The following FRMPD4 variants were observed in gnomAD, a reference collection of about 807,000 sequenced individuals.
FRMPD4 encodes the protein FERM and PDZ domain-containing protein 4.
Under a neutral mutation model 94.1 loss-of-function variants are expected in FRMPD4, and 22 were observed. That is an observed-to-expected ratio of 0.23 (90% CI 0.17 to 0.33). FRMPD4 has a LOEUF of 0.33. FRMPD4 is among the 10% of genes least tolerant of loss of function. The pLI is 1.00. For missense variants in FRMPD4, 1,111 were observed against 1,339.9 expected (o/e 0.83, Z 2.67); for synonymous variants, 631 against 548.6 (o/e 1.15, Z -2.10).
chrX:12,121,935 A>C (rs1055313064), intron 3 of FRMPD4, among the ~76,000 whole-genome samples: 1 of 111,879 alleles, frequency 8.9e-6, no homozygotes. Flanking sequence ...CTCAAGTGTC[A>C]ACCTCACAAT....
intron 1 of FRMPD4, among the ~76,000 whole-genome samples, chrX:12,196,613 G>A (rs2056570155): frequency 9.3e-6 from 1 of 107,466 alleles, no homozygotes; most frequent in African/African-American, 3.4e-5. Flanking sequence ...AACATTTGTT[G>A]TTGCAAAAAG....
At chrX:12,139,033 G>A in intron 1 of FRMPD4, 21 bp downstream of exon 1, 1 of 1,120,112 alleles carries the variant, frequency 8.9e-7, no homozygotes, top group Non-Finnish European at 1.2e-6. Context: ...CGCGGGTTCC[G>A]TTTGCACCCA....
At chrX:12,505,727 GAAAAAA>G (rs34064982) in intron 2 of FRMPD4, among the ~76,000 whole-genome samples, 1 of 46,320 alleles carries the variant, frequency 2.2e-5, no homozygotes, top group African/African-American at 1.0e-4. Flanking sequence ...AACTCCATCC[GAAAAAA>G]AAAAAAAAAA....
chrX:12,063,124 C>T, intron 3 of FRMPD4, among the ~76,000 whole-genome samples: 1 of 111,936 alleles, frequency 8.9e-6, no homozygotes, highest in Non-Finnish European at 1.9e-5. Context: ...AATTCCAGCA[C>T]TTTGAGAGGC....
chrX:12,106,125 G>C (rs1364841236), intron 3 of FRMPD4, among the ~76,000 whole-genome samples: 2 of 111,561 alleles, frequency 1.8e-5, no homozygotes, highest in African/African-American at 6.5e-5. Context: ...TGAAGGAGGA[G>C]ATCCACTCTA....
chrX:12,018,664 G>A (rs1359729179), intron 3 of FRMPD4, among the ~76,000 whole-genome samples: 3 of 110,845 alleles, frequency 2.7e-5, no homozygotes, highest in Admixed American at 9.5e-5. Flanking sequence ...TGATCTGCCC[G>A]CCTTGGCCTC....
At chrX:12,633,556 G>C (rs988493709) in intron 4 of FRMPD4, among the ~76,000 whole-genome samples, 2 of 112,018 alleles carry the variant, frequency 1.8e-5, no homozygotes, top group Admixed American at 9.5e-5. Flanking sequence ...TGTTGGGCAG[G>C]GGCTCAGAGT....
chrX:12,706,086 C>CTT (rs375437435), intron 11 of FRMPD4, among the ~76,000 whole-genome samples: 5,681 of 102,979 alleles, frequency 0.055, 437 homozygotes, highest in African/African-American at 0.19. Flanking sequence ...AAACATGGAC[C>CTT]TTTTTTTTTT....
At chrX:12,450,810 A>G (rs1397435410) in intron 1 of FRMPD4, among the ~76,000 whole-genome samples, 6 of 106,698 alleles carry the variant, frequency 5.6e-5, no homozygotes, top group African/African-American at 2.0e-4. Context: ...ATAATTGCCA[A>G]TAAATCAATG....
intron 1 of FRMPD4, among the ~76,000 whole-genome samples, chrX:12,456,127 C>A (rs975654763): frequency 8.9e-6 from 1 of 112,123 alleles, no homozygotes; most frequent in Non-Finnish European, 1.9e-5. Context: ...ATAAAGATAA[C>A]AGACCTACAT....
intron 11 of FRMPD4, among the ~76,000 whole-genome samples, chrX:12,705,857 C>T (rs2041866224): frequency 8.9e-6 from 1 of 112,128 alleles, no homozygotes; most frequent in South Asian, 3.7e-4. Context: ...GCTTTCAAAA[C>T]AATTTGCAAA....
intron 4 of FRMPD4, among the ~76,000 whole-genome samples, chrX:12,628,280 G>T: frequency 8.9e-6 from 1 of 111,913 alleles, no homozygotes; most frequent in Middle Eastern, 4.6e-3. Flanking sequence ...ACCTGTAGAG[G>T]GTTGTTTTAA....
chrX:12,458,469 T>C (rs1000569089), intron 1 of FRMPD4, among the ~76,000 whole-genome samples: 6 of 111,713 alleles, frequency 5.4e-5, no homozygotes, highest in African/African-American at 1.3e-4. Context: ...TGATGTATTG[T>C]TTCTCTTGAT....
intron 1 of FRMPD4, among the ~76,000 whole-genome samples, chrX:12,443,759 C>T (rs1467670881): frequency 9.0e-6 from 1 of 111,631 alleles, no homozygotes; most frequent in African/African-American, 3.3e-5. Flanking sequence ...GGTTATGCTG[C>T]CAAAGTAAAT....
intron 3 of FRMPD4, among the ~76,000 whole-genome samples, chrX:12,096,252 A>G (rs1473845672): frequency 8.9e-6 from 1 of 112,409 alleles, no homozygotes; most frequent in Non-Finnish European, 1.9e-5. Context: ...AAAATAAATT[A>G]TATATGCAAT....
rs139453045 is a variant in FRMPD4, at chrX:12,685,696, C to G, written c.574-401C>G. On this transcript the variant is annotated intron_variant, in intron 6 of 16. Coordinates refer to ENST00000675598, the MANE Select transcript of FRMPD4 (RefSeq NM_001368397.1). ...ACTTTATACTTGAAGCTTATTTATGCTGGTGACTCACCATCATGACACTGC... is the reference window on the plus strand; with the variant it reads ...ACTTTATACTTGAAGCTTATTTATGGTGGTGACTCACCATCATGACACTGC... Among the ~76,000 whole-genome samples, 48 of 112,149 alleles carry G rather than the reference C, an allele frequency of 4.3e-4. No homozygotes were observed. In the East Asian group the frequency reaches 0.011, roughly 25 times the overall value.
chrX:11,969,088 C>A (rs377097034), intron 3 of FRMPD4, among the ~76,000 whole-genome samples: 1 of 112,416 alleles, frequency 8.9e-6, no homozygotes, highest in East Asian at 2.8e-4. Flanking sequence ...TGATTGGGTA[C>A]GAGGGTAGTA....
intron 2 of FRMPD4, among the ~76,000 whole-genome samples, chrX:12,502,526 G>A (rs2057933291): frequency 9.1e-6 from 1 of 109,828 alleles, no homozygotes; most frequent in South Asian, 3.9e-4. Flanking sequence ...GAGAAATGAA[G>A]AGAAACAGAG....
intron 4 of FRMPD4, among the ~76,000 whole-genome samples, chrX:12,641,202 G>A (rs962575580): frequency 2.7e-5 from 3 of 111,199 alleles, no homozygotes; most frequent in Non-Finnish European, 5.7e-5. Flanking sequence ...ATGGGGAGTG[G>A]GACCTGGAAG....
Sources: gnomAD v4.1 joint callset for allele counts (sites outside exome capture counted in the v4.1 genomes callset) on GRCh38, gnomAD v4.1.1 for gene constraint, MANE v1.5 for transcripts, NCBI Gene and HGNC (gene_info 2026-07-23, HGNC 2026-07-21) for gene names.